Variants in CHLSN observed in about 807,000 individuals in gnomAD.
CHLSN encodes the protein protein cholesin.
At chr7:1,110,326 G>A in the CHLSN span, among the ~76,000 whole-genome samples, 1 of 152,220 alleles carries the variant, frequency 6.6e-6, no homozygotes, top group Non-Finnish European at 1.5e-5. Flanking sequence ...CGACGACAAG[G>A]ATGCCGAGCA....
At chr7:983,444 C>G in the CHLSN span, 228 of 1,364,542 alleles carry the variant, frequency 1.7e-4, 1 homozygote, top group East Asian at 7.6e-4. Context: ...TCCTGGCCCC[C>G]CTCCTGGGGA....
chr7:1,038,365 C>T, the CHLSN span, among the ~76,000 whole-genome samples: 2 of 97,762 alleles, frequency 2.0e-5, no homozygotes, highest in African/African-American at 4.0e-5. Context: ...TGCCTCTGCC[C>T]GGCCGCCCCT....
the CHLSN span, among the ~76,000 whole-genome samples, chr7:1,005,801 C>T: frequency 6.6e-6 from 1 of 152,196 alleles, no homozygotes; most frequent in Non-Finnish European, 1.5e-5. Context: ...AGTGGGGGAC[C>T]CCGTCCCGGC....
the CHLSN span, among the ~76,000 whole-genome samples, chr7:1,077,188 C>T: frequency 6.6e-6 from 1 of 152,220 alleles, no homozygotes; most frequent in Non-Finnish European, 1.5e-5. Flanking sequence ...TGGAGTCTCT[C>T]TCTGTCGCCC....
the CHLSN span, chr7:1,138,128 G>C: frequency 6.6e-6 from 1 of 151,268 alleles, no homozygotes; most frequent in African/African-American, 2.4e-5. Flanking sequence ...CCCGCCCCGG[G>C]GCTCTGGGTC....
At chr7:1,066,562 G>A in the CHLSN span, among the ~76,000 whole-genome samples, 9 of 152,360 alleles carry the variant, frequency 5.9e-5, no homozygotes, top group South Asian at 1.7e-3. Flanking sequence ...AAAAGCTGGA[G>A]GAGAGAAGGG....
chr7:1,001,853 G>T, the CHLSN span, among the ~76,000 whole-genome samples: 1 of 112,482 alleles, frequency 8.9e-6, no homozygotes, highest in African/African-American at 3.7e-5. Flanking sequence ...TCCTGTGGGT[G>T]AGTGGAGTCC....
chr7:1,016,969 C>CCAGCGCACAG, the CHLSN span, among the ~76,000 whole-genome samples: 13 of 103,716 alleles, frequency 1.3e-4, no homozygotes, highest in East Asian at 9.9e-4. Flanking sequence ...GCAGCACACG[C>CCAGCGCACAG]CAGCACACAC....
At chr7:1,067,869 T>C in the CHLSN span, among the ~76,000 whole-genome samples, 1 of 139,586 alleles carries the variant, frequency 7.2e-6, no homozygotes, top group Non-Finnish European at 1.5e-5. Context: ...GAGGTGAGGG[T>C]TTGGGGCACA....
chr7:1,116,686 T>G, the CHLSN span, among the ~76,000 whole-genome samples: 1 of 48,646 alleles, frequency 2.1e-5, no homozygotes. Context: ...GATGATGACA[T>G]CACTACAGCT....
chr7:1,006,507 C>T, the CHLSN span, among the ~76,000 whole-genome samples: 8 of 146,636 alleles, frequency 5.5e-5, 1 homozygote, highest in South Asian at 1.5e-3. Context: ...AGGGAAAGAG[C>T]GCACGACGGC....
chr7:1,090,031 C>G, the CHLSN span, among the ~76,000 whole-genome samples: 2 of 151,862 alleles, frequency 1.3e-5, no homozygotes, highest in African/African-American at 4.8e-5. Context: ...TTGCAGTGAG[C>G]CGAGATTGTG....
the CHLSN span, among the ~76,000 whole-genome samples, chr7:1,018,993 G>A: frequency 2.4e-4 from 36 of 152,178 alleles, no homozygotes; most frequent in South Asian, 7.3e-3. Flanking sequence ...TCAGGAGTCC[G>A]AGACCAGCCT....
chr7:1,025,130 G>C, the CHLSN span: 2 of 152,404 alleles, frequency 1.3e-5, no homozygotes, highest in South Asian at 4.1e-4. Flanking sequence ...GGGCAGGCAG[G>C]TTGGGATCCG....
At chr7:1,063,409 T>A in the CHLSN span, among the ~76,000 whole-genome samples, 1 of 152,224 alleles carries the variant, frequency 6.6e-6, no homozygotes, top group African/African-American at 2.4e-5. Context: ...GGGCTCCCTG[T>A]GCTGCTCCTG....
chr7:1,127,147 T>G, the CHLSN span: 1 of 1,343,224 alleles, frequency 7.4e-7, no homozygotes, highest in Non-Finnish European at 9.9e-7. Flanking sequence ...CCGCACCTGT[T>G]CCAGGCTCTG....
chr7:978,337 C>T, the CHLSN span, among the ~76,000 whole-genome samples: 55 of 152,192 alleles, frequency 3.6e-4, no homozygotes, highest in African/African-American at 1.3e-3. Context: ...TGGCAACATG[C>T]TGAAACCCTA....
At chr7:1,110,523 G>A in the CHLSN span, among the ~76,000 whole-genome samples, 4 of 152,350 alleles carry the variant, frequency 2.6e-5, no homozygotes, top group African/African-American at 4.8e-5. Flanking sequence ...CTCCCGCCAC[G>A]TCTTCCCATG....
the CHLSN span, among the ~76,000 whole-genome samples, chr7:1,016,662 CGCACAGCAGCACACGCCAGG>C: frequency 5.1e-5 from 3 of 58,562 alleles, no homozygotes; most frequent in East Asian, 6.0e-4. Context: ...CACACAGCAG[CGCACAGCAGCACACGCCAGG>C]GCACAGCAGC....
Sources: allele counts gnomAD v4.1 joint callset (sites outside exome capture counted in the v4.1 genomes callset), GRCh38; gene constraint gnomAD v4.1.1; transcripts MANE v1.5; gene names NCBI Gene and HGNC (gene_info 2026-07-23, HGNC 2026-07-21).